Variants in NSD2 observed in about 807,000 individuals in gnomAD.
NSD2 encodes the protein histone-lysine N-methyltransferase NSD2.
In NSD2, 12 loss-of-function variants were observed where a neutral mutation model predicts 139.0. The ratio of observed to expected loss-of-function variants is 0.09; its 90% CI spans 0.06 to 0.14. The LOEUF is 0.14. Among genes scored for constraint, NSD2 ranks in the 10% least tolerant of loss-of-function variants. NSD2 has a pLI of 1.00. For missense variants in NSD2, 1,155 were observed against 1,745.0 expected, an observed-to-expected ratio of 0.66 and a Z score of 6.02; for synonymous variants, 669 against 648.7, an observed-to-expected ratio of 1.03 and a Z score of -0.48.
At chr4:1,890,176 C>T (rs1471627835) in intron 1 of NSD2, among the ~76,000 whole-genome samples, 1 of 152,200 alleles carries the variant, frequency 6.6e-6, no homozygotes, top group Admixed American at 6.6e-5. Context: ...GGCTAAATAT[C>T]CATCGCATGG....
intron 1 of NSD2, among the ~76,000 whole-genome samples, chr4:1,872,621 A>AGAGAGAGAGC (rs1560534046): frequency 6.9e-6 from 1 of 145,406 alleles, no homozygotes; most frequent in East Asian, 2.1e-4. Flanking sequence ...AGAGAGAGAG[A>AGAGAGAGAGC]GAGAGAGAGA....
At chr4:1,964,601 T>A (rs902428538) in intron 18 of NSD2, among the ~76,000 whole-genome samples, 1 of 152,132 alleles carries the variant, frequency 6.6e-6, no homozygotes, top group Non-Finnish European at 1.5e-5. Flanking sequence ...CTGCTTCTGA[T>A]CACAGAGGTG....
chr4:1,951,450 A>C (rs1329314067), intron 10 of NSD2, among the ~76,000 whole-genome samples: 1 of 3,728 alleles, frequency 2.7e-4, no homozygotes, highest in African/African-American at 4.7e-4. Flanking sequence ...TAATACACAC[A>C]CACACACACA....
chr4:1,873,482 G>C (rs1157761278), intron 1 of NSD2, among the ~76,000 whole-genome samples: 1 of 152,182 alleles, frequency 6.6e-6, no homozygotes, highest in Non-Finnish European at 1.5e-5. Flanking sequence ...AGCTTATCCA[G>C]GGCTTTCAAA....
intron 2 of NSD2, 145 bp from the exon 3 acceptor site, chr4:1,904,071 T>A: frequency 1.1e-6 from 1 of 883,056 alleles, no homozygotes; most frequent in Non-Finnish European, 1.7e-6. Context: ...GTTGAGGCTA[T>A]CATCTAAAAC....
rs149307984 is a variant in NSD2 at position 1,926,608 on chromosome 4, C to G, written c.1411-4018C>G. ...CCCTCAGCCTTCCTAGTAGCTGGGA[C>G]TACTGGTGCACGCCACCACACCCAG... is the stretch of plus-strand genomic sequence containing the variant. On this transcript the variant is annotated intron_variant, in intron 5 of 21. Transcript: ENST00000508803. Among the ~76,000 whole-genome samples the G allele has an allele frequency of 5.3e-4, 80 of 151,026 alleles. 1 individual carries two copies. Among genetic ancestry groups the G allele is most frequent in the African/African-American group, 1.8e-3 (76 of 41,124 alleles).
chr4:1,895,332 A>C (rs1204815089), intron 1 of NSD2, among the ~76,000 whole-genome samples: 1 of 152,224 alleles, frequency 6.6e-6, no homozygotes, highest in Non-Finnish European at 1.5e-5. Flanking sequence ...CCCAACACCT[A>C]AAATCAGTGT....
At chr4:1,952,304 T>A (rs1724352894) in intron 11 of NSD2, 73 bp downstream of exon 11, 1 of 1,586,686 alleles carries the variant, frequency 6.3e-7, no homozygotes. Context: ...CACCAAGTCC[T>A]GCCCTGAGCT....
chr4:1,884,249 C>T (rs556294614), intron 1 of NSD2, among the ~76,000 whole-genome samples: 1 of 152,106 alleles, frequency 6.6e-6, no homozygotes, highest in East Asian at 1.9e-4. Context: ...GTGCATGCTA[C>T]TGTGCCTGGC....
At chr4:1,908,349 C>T (rs1201092003) in intron 3 of NSD2, among the ~76,000 whole-genome samples, 3 of 152,236 alleles carry the variant, frequency 2.0e-5, no homozygotes, top group Non-Finnish European at 4.4e-5. Context: ...GGGCAGTGGC[C>T]TGCCTCACCT....
intron 5 of NSD2, among the ~76,000 whole-genome samples, chr4:1,926,217 T>C (rs1720895773): frequency 6.7e-6 from 1 of 149,878 alleles, no homozygotes. Flanking sequence ...TGCAGAGGCA[T>C]GATCTCGGCT....
rs986218764 is a variant in NSD2, at chr4:1,972,516, G to C, written c.3373-2347G>C. On this transcript the variant is annotated intron_variant, in intron 18 of 21. Coordinates refer to ENST00000508803, the MANE Select transcript of NSD2 (RefSeq NM_001042424.3). The surrounding 1 kb of genome is among the most constrained non-coding windows in gnomAD (Gnocchi z 4.0). ...TCCTGGGGGTGACAGTGTTCCCCAT[G>C]GCATTCCTGTGACTCCAGCGGGGCC... Among the ~76,000 whole-genome samples, 3 of 152,230 alleles carry C rather than the reference G, an allele frequency of 2.0e-5. No homozygotes were observed. The highest frequency in any genetic ancestry group is 7.2e-5 in the African/African-American group (3 of 41,446).
At chr4:1,959,988 G>C (rs561010068) in intron 17 of NSD2, among the ~76,000 whole-genome samples, 9 of 152,182 alleles carry the variant, frequency 5.9e-5, no homozygotes, top group Admixed American at 2.0e-4. Context: ...AGCTTCCCAA[G>C]CAGCTGGGAC....
In NSD2 at chr4:1,948,347, T is replaced by C. The variant is rs946201192; in HGVS notation, c.1882-2725T>C. On this transcript the variant is annotated intron_variant, in intron 9 of 21. Transcript: ENST00000508803. This position sits in a 1 kb window ranked among gnomAD's most constrained non-coding sequence, Gnocchi z 4.5. ...TTGTAGACTGAGATTTGGGACTATGTTGGGACCGTACAGGTGAATGTGCCA... is the reference window on the plus strand; with the variant it reads ...TTGTAGACTGAGATTTGGGACTATGCTGGGACCGTACAGGTGAATGTGCCA... 9.4e-7 allele frequency: 1 copy of C among 1,066,014 alleles called. No homozygotes were observed. Among genetic ancestry groups the C allele is most frequent in the Non-Finnish European group, 1.1e-6 (1 of 878,730 alleles). The allele number at this position is 1,066,014 out of a possible 1,614,324, so 66.0% of individuals were successfully genotyped here.
chr4:1,907,519 T>C (rs1372446013), intron 3 of NSD2, among the ~76,000 whole-genome samples: 1 of 152,000 alleles, frequency 6.6e-6, no homozygotes, highest in Non-Finnish European at 1.5e-5. Flanking sequence ...TAATCTATTT[T>C]AAAAACTTTC....
chr4:1,895,749 C>T (rs994321534), intron 1 of NSD2, among the ~76,000 whole-genome samples: 1 of 152,216 alleles, frequency 6.6e-6, no homozygotes, highest in Non-Finnish European at 1.5e-5. Context: ...CCCTGCAGGT[C>T]CTACCAGTGT....
intron 2 of NSD2, among the ~76,000 whole-genome samples, 190 bp downstream of exon 2, chr4:1,901,441 C>T (rs1717164848): frequency 6.6e-6 from 1 of 152,206 alleles, no homozygotes; most frequent in Admixed American, 6.5e-5. Context: ...ACTGCCTCCT[C>T]AGTTCTCAGC....
At chr4:1,883,660 T>C (rs1714869116) in intron 1 of NSD2, among the ~76,000 whole-genome samples, 1 of 146,464 alleles carries the variant, frequency 6.8e-6, no homozygotes, top group Non-Finnish European at 1.5e-5. Flanking sequence ...GCGTACCTCC[T>C]CCGCTCTGCT....
chr4:1,892,150 T>C (rs1184137212), intron 1 of NSD2: 1 of 152,190 alleles, frequency 6.6e-6, no homozygotes, highest in Non-Finnish European at 1.5e-5. Flanking sequence ...TTTCTTTATT[T>C]TTATTTTAAT....
Sources: allele counts gnomAD v4.1 joint callset (sites outside exome capture counted in the v4.1 genomes callset), GRCh38; gene constraint gnomAD v4.1.1; non-coding constraint Gnocchi (gnomAD v3.1); transcripts MANE v1.5; gene names NCBI Gene and HGNC (gene_info 2026-07-23, HGNC 2026-07-21).